The following MSRA variants were observed in gnomAD, a reference collection of about 807,000 sequenced individuals.
The protein encoded by MSRA is methionine sulfoxide reductase A, also known as mitochondrial peptide methionine sulfoxide reductase.
A neutral mutation model predicts 31.3 loss-of-function variants in MSRA; 54 were observed. The ratio of observed to expected loss-of-function variants is 1.73; its 90% CI spans 1.39 to 2.17. The LOEUF (loss-of-function observed/expected upper bound fraction) is 2.17. MSRA is among the 30% of genes most tolerant of loss of function. The probability of loss-of-function intolerance (pLI) is 0.00; values close to 1 mark genes in which losing one functional copy is unlikely to be tolerated. For synonymous variants in MSRA, 169 were observed against 116.5 expected (o/e 1.45, Z -2.90); for missense variants, 507 against 300.9 (o/e 1.69, Z -5.07).
intron 3 of MSRA, among the ~76,000 whole-genome samples, chr8:10,272,107 C>G (rs1232905644): frequency 3.9e-5 from 6 of 152,220 alleles, no homozygotes; most frequent in Admixed American, 1.3e-4. Flanking sequence ...GCCTCCAAAA[C>G]TTTATGAAAG....
intron 1 of MSRA, among the ~76,000 whole-genome samples, chr8:10,177,641 A>G (rs11783143): frequency 0.76 from 116,150 of 152,140 alleles, 44,707 homozygotes; most frequent in Non-Finnish European, 0.8. Flanking sequence ...GACATGATGT[A>G]TACCATTAAG....
chr8:10,070,271 T>A (rs1390262414), intron 1 of MSRA, among the ~76,000 whole-genome samples: 1 of 152,226 alleles, frequency 6.6e-6, no homozygotes, highest in Non-Finnish European at 1.5e-5. Flanking sequence ...GGTTATGGTA[T>A]TGTTAGTTCT....
At chr8:10,366,590 G>A (rs1315437380) in intron 5 of MSRA, among the ~76,000 whole-genome samples, 1 of 152,218 alleles carries the variant, frequency 6.6e-6, no homozygotes, top group Non-Finnish European at 1.5e-5. Flanking sequence ...CCAGAGAGTG[G>A]CATCTCCCTT....
intron 2 of MSRA, among the ~76,000 whole-genome samples, chr8:10,211,123 C>G (rs1180031655): frequency 6.6e-6 from 1 of 152,100 alleles, no homozygotes; most frequent in African/African-American, 2.4e-5. Context: ...GTAATCCACT[C>G]TACAGATGAC....
intron 5 of MSRA, among the ~76,000 whole-genome samples, chr8:10,332,319 G>T (rs1008347456): frequency 2.6e-5 from 4 of 151,932 alleles, no homozygotes; most frequent in South Asian, 2.1e-4. Context: ...TATGGTTTGG[G>T]GATTACATAG....
At chr8:10,282,892 A>G (rs1030230885) in intron 3 of MSRA, among the ~76,000 whole-genome samples, 9 of 152,152 alleles carry the variant, frequency 5.9e-5, no homozygotes, top group African/African-American at 2.2e-4. Flanking sequence ...TGTTGAGGAA[A>G]AGATTTGCAT....
At chr8:10,226,727 GTTTGTTT>G (rs1043126659) in intron 2 of MSRA, among the ~76,000 whole-genome samples, 1 of 151,714 alleles carries the variant, frequency 6.6e-6, no homozygotes, top group African/African-American at 2.4e-5. Flanking sequence ...TTGTTTGTTT[GTTTGTTT>G]TTTGTTTTTG....
intron 5 of MSRA, among the ~76,000 whole-genome samples, chr8:10,338,898 A>G (rs959571213): frequency 1.3e-5 from 2 of 152,184 alleles, no homozygotes; most frequent in Admixed American, 1.3e-4. Flanking sequence ...GTGCGGGCAA[A>G]GGTTATAATC....
chr8:10,134,133 G>A (rs1802094702), intron 1 of MSRA, among the ~76,000 whole-genome samples: 1 of 152,072 alleles, frequency 6.6e-6, no homozygotes, highest in African/African-American at 2.4e-5. Flanking sequence ...TGCCCGGCCT[G>A]GATCCTATCT....
intron 1 of MSRA, among the ~76,000 whole-genome samples, chr8:10,199,599 G>A (rs1808325147): frequency 6.6e-6 from 1 of 152,126 alleles, no homozygotes; most frequent in African/African-American, 2.4e-5. Flanking sequence ...AAGGGCTTGT[G>A]GTTGGGGCAT....
intron 1 of MSRA, among the ~76,000 whole-genome samples, chr8:10,067,874 G>GTTTTTTTTTTTTTTTTTTTTTTTTT: frequency 2.0e-5 from 1 of 49,368 alleles, no homozygotes; most frequent in Non-Finnish European, 4.2e-5. Context: ...TTCTTACTGA[G>GTTTTTTTTTTTTTTTTTTTTTTTTT]TTTTTTTTTT....
chr8:10,341,341 A>G (rs1238243467), intron 5 of MSRA, among the ~76,000 whole-genome samples: 1 of 152,086 alleles, frequency 6.6e-6, no homozygotes, highest in Admixed American at 6.6e-5. Flanking sequence ...AGCAGGAGCA[A>G]GGGAGAGAGA....
At chr8:10,066,610 T>TGCAACCTCTGCCTCCCA (rs1312312776) in intron 1 of MSRA, among the ~76,000 whole-genome samples, 1 of 152,214 alleles carries the variant, frequency 6.6e-6, no homozygotes, top group African/African-American at 2.4e-5. Flanking sequence ...CTCTGCTCAC[T>TGCAACCTCTGCCTCCCA]GCAACCTCTG....
rs757338062 is a variant in MSRA at position 10,319,980 on chromosome 8, C to T, written c.534C>T (p.Asn178=). ...AGGCAGCCCTGAGCTCCAAAGAGAA[C>T]TACCAAAAGGTAGGGATTGCTGGGC... The part of the protein sequence containing the change: ...QMEAALSSKE[N]YQKVLSEHGF... The change falls in exon 5 of 6, where the codon AAC becomes AAT. Residue 178 remains asparagine, a synonymous_variant. Coordinates refer to ENST00000317173, the MANE Select transcript of MSRA (RefSeq NM_012331.5). 4 of 1,597,196 alleles carry T rather than the reference C, an allele frequency of 2.5e-6. No individual in the cohort carries two copies. The Admixed American group carries it at 5.2e-5, about 21-fold the overall frequency.
intron 1 of MSRA, among the ~76,000 whole-genome samples, chr8:10,168,002 T>A (rs117442669): frequency 1.3e-5 from 2 of 152,292 alleles, no homozygotes; most frequent in African/African-American, 2.4e-5. Context: ...CTTGACTGTT[T>A]CTGATCTTTA....
chr8:10,233,118 C>A (rs1811631879), intron 2 of MSRA, among the ~76,000 whole-genome samples: 1 of 152,200 alleles, frequency 6.6e-6, no homozygotes, highest in South Asian at 2.1e-4. Flanking sequence ...AGGAACAATT[C>A]AGATATATCC....
chr8:10,410,845 T>C (rs1256631081), intron 5 of MSRA, among the ~76,000 whole-genome samples: 1 of 152,244 alleles, frequency 6.6e-6, no homozygotes, highest in Non-Finnish European at 1.5e-5. Context: ...CAAATTTAAA[T>C]TGTATAATTA....
chr8:10,277,521 A>C (rs1056237534), intron 3 of MSRA, among the ~76,000 whole-genome samples: 11 of 152,224 alleles, frequency 7.2e-5, no homozygotes, highest in African/African-American at 2.7e-4. Context: ...CCCCATTTAC[A>C]AAGTGTGTTT....
chr8:10,306,093 G>A (rs1056052046), intron 4 of MSRA, among the ~76,000 whole-genome samples: 1 of 152,014 alleles, frequency 6.6e-6, no homozygotes, highest in Admixed American at 6.6e-5. Context: ...CTGGCCATGG[G>A]GTACCCAGAC....
Sources: allele counts gnomAD v4.1 joint callset (sites outside exome capture counted in the v4.1 genomes callset), GRCh38; gene constraint gnomAD v4.1.1; transcripts MANE v1.5; gene names NCBI Gene and HGNC (gene_info 2026-07-23, HGNC 2026-07-21).